The following LDLRAP1 variants were observed in gnomAD, a reference collection of about 807,000 sequenced individuals.
LDLRAP1 encodes the protein low density lipoprotein receptor adaptor protein 1, also known as low density lipoprotein receptor adapter protein 1.
Under a neutral mutation model 37.8 loss-of-function variants are expected in LDLRAP1, and 30 were observed. The observed-to-expected ratio is 0.79, with a 90% CI of 0.59 to 1.08. LDLRAP1 has a LOEUF of 1.08. Ranked by LOEUF, LDLRAP1 falls within the 50% of genes least tolerant of loss-of-function variation. The pLI is 0.00. For synonymous variants in LDLRAP1, 156 were observed against 169.8 expected (o/e 0.92, Z 0.63); for missense variants, 375 against 401.6 (o/e 0.93, Z 0.57).
Position 25,544,618 on chromosome 1 carries a change from G to C in LDLRAP1, c.88+832G>C, listed in dbSNP as rs1265348098. Among the ~76,000 whole-genome samples the C allele has an allele frequency of 6.6e-6, 1 of 152,072 alleles. No individual in the cohort carries two copies. Among genetic ancestry groups the C allele is most frequent in the African/African-American group, 2.4e-5 (1 of 41,392 alleles). On this transcript the variant is annotated intron_variant, in intron 1 of 8. Transcript: ENST00000374338. The surrounding 1 kb of genome is among the most constrained non-coding windows in gnomAD (Gnocchi z 4.8). Reference sequence around the variant, plus strand: ...CCCCCCTTTCTCTCCCCCAGTCTCTGATTACGCTCAGGGAACTTGTCACCT... The same window carrying C: ...CCCCCCTTTCTCTCCCCCAGTCTCTCATTACGCTCAGGGAACTTGTCACCT...
the LDLRAP1 span, among the ~76,000 whole-genome samples, chr1:25,589,168 G>A: frequency 2.0e-5 from 3 of 152,136 alleles, no homozygotes; most frequent in Non-Finnish European, 2.9e-5. Context: ...GCCAGGCGTG[G>A]TGGCGCACAT....
At chr1:25,547,808 A>G (rs1482742086) in intron 1 of LDLRAP1, among the ~76,000 whole-genome samples, 2 of 152,218 alleles carry the variant, frequency 1.3e-5, no homozygotes, top group African/African-American at 4.8e-5. Context: ...TCCCTCTGAG[A>G]AGGTGACTCG....
Position 25,566,992 on chromosome 1 carries a change from A to G in LDLRAP1, c.927A>G (p.Ter309TrpextTer41), listed in dbSNP as rs1264602608. 6.2e-7 allele frequency: 1 copy of G among 1,613,118 alleles called. No homozygotes were observed. Among genetic ancestry groups the G allele is most frequent in the Non-Finnish European group, 8.5e-7 (1 of 1,180,014 alleles). Residue 309 changes from the stop codon to tryptophan (W), a stop_lost, in exon 9 of 9, where the codon TGA (stop) becomes TGG (tryptophan). Transcript: ENST00000374338. ...AGCAGGATGACCTCTTCAGCTTCTG[A>G]GGGCCCGGGGCCAGCCGGACACAAG... is the stretch of plus-strand genomic sequence containing the variant. The part of the protein sequence containing the change: ...GTEQDDLFSF[*>W]
the LDLRAP1 span, among the ~76,000 whole-genome samples, chr1:25,588,493 G>A: frequency 6.6e-6 from 1 of 152,196 alleles, no homozygotes; most frequent in Non-Finnish European, 1.5e-5. Context: ...ATGTTTATGT[G>A]TATGCATATC....
intron 7 of LDLRAP1, chr1:25,564,815 AGTCATCAG>A (rs1406795127): frequency 3.9e-6 from 1 of 257,188 alleles, no homozygotes; most frequent in African/African-American, 2.2e-5. Flanking sequence ...AAGCCATAGA[AGTCATCAG>A]GTCCAATGCC....
intron 4 of LDLRAP1, among the ~76,000 whole-genome samples, chr1:25,561,838 G>A (rs552564889): frequency 1.3e-5 from 2 of 152,208 alleles, no homozygotes; most frequent in Admixed American, 1.3e-4. Flanking sequence ...TGCTTTTAGG[G>A]TGCACAAAGC....
At chr1:25,573,450 G>A (rs955070429), downstream of LDLRAP1, among the ~76,000 whole-genome samples, 2 of 152,128 alleles carry the variant, frequency 1.3e-5, no homozygotes, top group African/African-American at 4.8e-5. Context: ...GCTGCATCCC[G>A]GGGCAGAGCT....
chr1:25,575,117 G>C, the LDLRAP1 span, among the ~76,000 whole-genome samples: 1 of 152,270 alleles, frequency 6.6e-6, no homozygotes, highest in South Asian at 2.1e-4. Flanking sequence ...CCTTTCTTCG[G>C]GCCGCAAGGC....
At chr1:25,577,179 A>G in the LDLRAP1 span, among the ~76,000 whole-genome samples, 36 of 152,300 alleles carry the variant, frequency 2.4e-4, no homozygotes, top group African/African-American at 8.4e-4. Flanking sequence ...GAATCAGCTC[A>G]TTACATTTAA....
At chr1:25,552,714 T>C (rs2044100633) in intron 1 of LDLRAP1, among the ~76,000 whole-genome samples, 1 of 152,212 alleles carries the variant, frequency 6.6e-6, no homozygotes, top group East Asian at 1.9e-4. Flanking sequence ...TCAGAAACTG[T>C]CAGTGCAGCC....
the LDLRAP1 span, among the ~76,000 whole-genome samples, chr1:25,582,583 CA>C: frequency 0.37 from 46,447 of 124,860 alleles, 8,777 homozygotes; most frequent in East Asian, 0.56. Flanking sequence ...GACCCCATCT[CA>C]AAAAAAAAAA....
At chr1:25,581,813 G>C in the LDLRAP1 span, 11 of 152,446 alleles carry the variant, frequency 7.2e-5, no homozygotes, top group East Asian at 1.4e-3. Flanking sequence ...GTGGCCTTAG[G>C]AATACAGCCC....
chr1:25,560,509 G>T (rs1355027682), intron 4 of LDLRAP1, among the ~76,000 whole-genome samples: 1 of 152,210 alleles, frequency 6.6e-6, no homozygotes, highest in Non-Finnish European at 1.5e-5. Flanking sequence ...GCTCCAAAGT[G>T]AAGGTGTCAT....
chr1:25,563,628 C>T, intron 6 of LDLRAP1, 33 bp from the exon 7 acceptor site: 1 of 1,611,984 alleles, frequency 6.2e-7, no homozygotes, highest in East Asian at 2.2e-5. Flanking sequence ...AGAGGCTGAT[C>T]TCCCACTGAC....
At chr1:25,548,334 T>C (rs1000872804) in intron 1 of LDLRAP1, among the ~76,000 whole-genome samples, 2 of 130,192 alleles carry the variant, frequency 1.5e-5, no homozygotes, top group Admixed American at 8.0e-5. Context: ...GGATGGATAC[T>C]CTTTTTTTTT....
intron 1 of LDLRAP1, among the ~76,000 whole-genome samples, chr1:25,549,520 CCTT>C (rs2044019466): frequency 6.6e-6 from 1 of 152,222 alleles, no homozygotes; most frequent in African/African-American, 2.4e-5. Flanking sequence ...GTAATTTAGA[CCTT>C]AGACCAGGCA....
Position 25,554,207 on chromosome 1 carries a change from G to T in LDLRAP1, c.231+143G>T, listed in dbSNP as rs2044147414. On this transcript the variant is annotated intron_variant, in intron 2 of 8. Transcript: ENST00000374338. The surrounding 1 kb of genome is among the most constrained non-coding windows in gnomAD (Gnocchi z 5.4). ...TTCATTCTCCTTCCATCCAGCTTTTGGGCCTTGGCAGAGGGGAACCATTGG... is the reference window on the plus strand; with the variant it reads ...TTCATTCTCCTTCCATCCAGCTTTTTGGCCTTGGCAGAGGGGAACCATTGG... 4 of 1,092,776 alleles carry T rather than the reference G, an allele frequency of 3.7e-6. No homozygotes were observed. Among genetic ancestry groups the T allele is most frequent in the Non-Finnish European group, 5.3e-6 (4 of 756,992 alleles). 67.7% of individuals were successfully genotyped at this position (1,092,776 alleles called of 1,614,324 possible). A position where few individuals can be genotyped will look rare whatever the true frequency, so the allele number is the denominator to read the frequency against.
At position 25,562,859 on chromosome 1, in the gene LDLRAP1, CG is replaced by C; in HGVS notation, c.532+145del. 3 of 834,470 alleles carry C rather than the reference CG, an allele frequency of 3.6e-6. No homozygotes were observed. In the South Asian group the frequency reaches 4.3e-5, roughly 12 times the overall value. 51.7% of individuals were successfully genotyped at this position (834,470 alleles called of 1,614,324 possible). A position where few individuals can be genotyped will look rare whatever the true frequency, so the allele number is the denominator to read the frequency against. The stretch of plus-strand genomic sequence containing the variant: ...CAGGTCCCTTCACCGCTCAGAGTCT[CG>C]GTTTTCCCATCTGAAAAATGGGAAC... On this transcript the variant is annotated intron_variant, in intron 5 of 8. Coordinates refer to ENST00000374338, the MANE Select transcript of LDLRAP1 (RefSeq NM_015627.3).
downstream of LDLRAP1, among the ~76,000 whole-genome samples, chr1:25,569,400 G>A (rs578080609): frequency 6.6e-6 from 1 of 152,270 alleles, no homozygotes; most frequent in East Asian, 1.9e-4. Context: ...TGGGTGTGTT[G>A]GGGGATGGTG....
Sources: gnomAD v4.1 joint callset for allele counts (sites outside exome capture counted in the v4.1 genomes callset) on GRCh38, gnomAD v4.1.1 for gene constraint, Gnocchi (gnomAD v3.1) non-coding constraint, MANE v1.5 for transcripts, NCBI Gene and HGNC (gene_info 2026-07-23, HGNC 2026-07-21) for gene names.